ENTREP2: variants seen among roughly 807,000 people sequenced by gnomAD.
ENTREP2 encodes the protein endosomal transmembrane epsin interactor 2.
At chr15:29,402,117 T>C in the ENTREP2 span, among the ~76,000 whole-genome samples, 133 of 152,202 alleles carry the variant, frequency 8.7e-4, 1 homozygote, top group Middle Eastern at 3.4e-3. Flanking sequence ...GAATTCTACT[T>C]CTAAGAATTC....
At chr15:29,407,791 G>A in the ENTREP2 span, among the ~76,000 whole-genome samples, 11 of 151,980 alleles carry the variant, frequency 7.2e-5, no homozygotes, top group Admixed American at 2.0e-4. Context: ...GCAGCCTCCC[G>A]AGTAGCTGGG....
At chr15:29,433,766 C>T in the ENTREP2 span, among the ~76,000 whole-genome samples, 2 of 123,680 alleles carry the variant, frequency 1.6e-5, no homozygotes, top group Non-Finnish European at 3.3e-5. Flanking sequence ...ACACCAAACA[C>T]AGACTCCTCC....
the ENTREP2 span, among the ~76,000 whole-genome samples, chr15:29,370,729 C>T: frequency 6.6e-6 from 1 of 152,220 alleles, no homozygotes; most frequent in East Asian, 1.9e-4. Flanking sequence ...CCCAGGTGTT[C>T]TGAAGTGCAG....
At chr15:29,139,313 G>A in the ENTREP2 span, among the ~76,000 whole-genome samples, 2 of 152,218 alleles carry the variant, frequency 1.3e-5, no homozygotes, top group Admixed American at 6.5e-5. Flanking sequence ...CCACGGCTGC[G>A]TGTGTTTAAT....
At chr15:29,324,984 C>G in the ENTREP2 span, among the ~76,000 whole-genome samples, 4 of 152,150 alleles carry the variant, frequency 2.6e-5, no homozygotes, top group African/African-American at 9.7e-5. Context: ...TGAAATCATA[C>G]AAAGTATGCT....
chr15:29,613,295 C>A, the ENTREP2 span: 14 of 191,686 alleles, frequency 7.3e-5, no homozygotes, highest in South Asian at 1.2e-3. Flanking sequence ...CTTAGATCTG[C>A]AGACCAGACC....
chr15:29,201,275 G>C, the ENTREP2 span, among the ~76,000 whole-genome samples: 3 of 151,618 alleles, frequency 2.0e-5, no homozygotes, highest in Admixed American at 1.3e-4. Context: ...TTATTTTCTT[G>C]CCATACTACA....
chr15:29,590,683 C>CAA, the ENTREP2 span, among the ~76,000 whole-genome samples: 15,668 of 74,822 alleles, frequency 0.21, 2,219 homozygotes, highest in East Asian at 0.39. Context: ...GACTCCGTCT[C>CAA]AAAAAAAAAA....
At chr15:29,666,465 C>G in the ENTREP2 span, among the ~76,000 whole-genome samples, 2 of 151,912 alleles carry the variant, frequency 1.3e-5, no homozygotes, top group African/African-American at 2.4e-5. Context: ...CAGTGGCCTT[C>G]TAAAGGTCAT....
At chr15:29,219,593 A>G in the ENTREP2 span, among the ~76,000 whole-genome samples, 1 of 126,238 alleles carries the variant, frequency 7.9e-6, no homozygotes, top group Non-Finnish European at 1.7e-5. Flanking sequence ...CAATGAGTGT[A>G]CAAAGGAACT....
the ENTREP2 span, among the ~76,000 whole-genome samples, chr15:29,177,907 G>A: frequency 6.8e-6 from 1 of 148,010 alleles, no homozygotes; most frequent in Non-Finnish European, 1.5e-5. Flanking sequence ...GGCAGGGCGG[G>A]AGGGATACAG....
the ENTREP2 span, among the ~76,000 whole-genome samples, chr15:29,283,645 A>C: frequency 6.6e-6 from 1 of 152,198 alleles, no homozygotes; most frequent in East Asian, 1.9e-4. Context: ...GTGCCCCCTA[A>C]GAGGGACAGT....
chr15:29,498,853 T>C, the ENTREP2 span, among the ~76,000 whole-genome samples: 1 of 152,198 alleles, frequency 6.6e-6, no homozygotes, highest in Non-Finnish European at 1.5e-5. Flanking sequence ...GGTACATATA[T>C]GATTATTGTG....
At chr15:29,381,728 G>C in the ENTREP2 span, 1 of 1,508,062 alleles carries the variant, frequency 6.6e-7, no homozygotes. Flanking sequence ...CGCATCTGAA[G>C]GTGGAACCCT....
the ENTREP2 span, among the ~76,000 whole-genome samples, chr15:29,639,613 T>C: frequency 6.6e-6 from 1 of 152,040 alleles, no homozygotes; most frequent in South Asian, 2.1e-4. Flanking sequence ...ATCAACAACT[T>C]AACCTTCCAC....
chr15:29,460,022 G>A, the ENTREP2 span, among the ~76,000 whole-genome samples: 2 of 152,264 alleles, frequency 1.3e-5, no homozygotes, highest in East Asian at 3.9e-4. Flanking sequence ...CAAGACAGGA[G>A]GGTTGCTTGA....
chr15:29,549,167 C>T, the ENTREP2 span, among the ~76,000 whole-genome samples: 3 of 152,182 alleles, frequency 2.0e-5, no homozygotes, highest in Admixed American at 1.3e-4. Flanking sequence ...TTTTAGACCA[C>T]GTTGCAGCCC....
the ENTREP2 span, among the ~76,000 whole-genome samples, chr15:29,551,307 C>T: frequency 6.6e-6 from 1 of 152,132 alleles, no homozygotes; most frequent in African/African-American, 2.4e-5. Context: ...GTTTGACCTG[C>T]AGGGAGCTGG....
At chr15:29,135,829 G>A in the ENTREP2 span, among the ~76,000 whole-genome samples, 1 of 152,296 alleles carries the variant, frequency 6.6e-6, no homozygotes, top group South Asian at 2.1e-4. The surrounding 1 kb of genome is among the most constrained non-coding windows in gnomAD (Gnocchi z 7.4). Flanking sequence ...GACAGGACCA[G>A]GGATCCAGGG....
Sources: allele counts gnomAD v4.1 joint callset (sites outside exome capture counted in the v4.1 genomes callset), GRCh38; gene constraint gnomAD v4.1.1; non-coding constraint Gnocchi (gnomAD v3.1); transcripts MANE v1.5; gene names NCBI Gene and HGNC (gene_info 2026-07-23, HGNC 2026-07-21).